KLHL5: variants seen among roughly 807,000 people sequenced by gnomAD.
KLHL5 encodes kelch like family member 5.
A neutral mutation model predicts 77.7 loss-of-function variants in KLHL5; 48 were observed. The observed-to-expected ratio is 0.62, with a 90% CI of 0.49 to 0.79. The LOEUF is 0.79. Among genes scored for constraint, KLHL5 ranks in the 30% least tolerant of loss-of-function variants. KLHL5 has a pLI of 0.00. For synonymous variants in KLHL5, 260 were observed against 297.0 expected (o/e 0.88, Z 1.28); for missense variants, 723 against 859.7 (o/e 0.84, Z 1.99).
downstream of KLHL5, among the ~76,000 whole-genome samples, chr4:39,129,864 G>A (rs1446708375): frequency 6.6e-6 from 1 of 152,130 alleles, no homozygotes; most frequent in Non-Finnish European, 1.5e-5. The surrounding 1 kb of genome is among the most constrained non-coding windows in gnomAD (Gnocchi z 4.2). Context: ...TCCAGCTCCA[G>A]TATTCACTAA....
At chr4:39,094,771 A>G (rs1720905586) in intron 5 of KLHL5, among the ~76,000 whole-genome samples, 1 of 152,116 alleles carries the variant, frequency 6.6e-6, no homozygotes, top group Admixed American at 6.6e-5. Flanking sequence ...GGGGTTATTT[A>G]ATAAGTGGTA....
chr4:39,127,208 C>A (rs552791892), downstream of KLHL5, among the ~76,000 whole-genome samples: 3 of 151,834 alleles, frequency 2.0e-5, no homozygotes, highest in South Asian at 4.1e-4. Flanking sequence ...ATAGTCCCAG[C>A]CACTTGGGAG....
chr4:39,050,182 G>T (rs1716528923), intron 1 of KLHL5, among the ~76,000 whole-genome samples: 1 of 152,128 alleles, frequency 6.6e-6, no homozygotes, highest in South Asian at 2.1e-4. Context: ...GTATGTAAAT[G>T]ATGTGTATAC....
At chr4:39,107,501 C>A (rs1475529095) in intron 7 of KLHL5, 68 bp from the exon 8 acceptor site, 4 of 1,214,086 alleles carry the variant, frequency 3.3e-6, no homozygotes, top group South Asian at 1.5e-5. Context: ...ACTTATACTT[C>A]AATTAAAATG....
At chr4:39,116,332 TAAAAA>T (rs1349864833) in intron 10 of KLHL5, 1 of 151,390 alleles carries the variant, frequency 6.6e-6, no homozygotes, top group South Asian at 2.1e-4. Flanking sequence ...GACTCCATCT[TAAAAA>T]AAAGAAAAGA....
chr4:39,114,165 A>G (rs769454167), intron 9 of KLHL5, among the ~76,000 whole-genome samples: 21 of 152,214 alleles, frequency 1.4e-4, no homozygotes, highest in Non-Finnish European at 2.8e-4. Context: ...ATTAATTTAT[A>G]AAGAAAAGAG....
chr4:39,121,289 G>C lies in KLHL5; in HGVS notation c.*223G>C. The C allele has an allele frequency of 3.5e-6, 2 of 567,284 alleles. No homozygotes were observed. Among genetic ancestry groups the C allele is most frequent in the Non-Finnish European group, 6.3e-6 (2 of 318,564 alleles). 35.1% of individuals were successfully genotyped at this position (567,284 alleles called of 1,614,324 possible). A position where few individuals can be genotyped will look rare whatever the true frequency, so the allele number is the denominator to read the frequency against. ...AATTAAAACCTGCAGCTGGTGGATT[G>C]TGATCACACATTCCCGAAGTAATAA... On this transcript the variant is annotated 3_prime_UTR_variant, in exon 11 of 11. Coordinates refer to ENST00000504108, the MANE Select transcript of KLHL5 (RefSeq NM_015990.5).
chr4:39,054,132 C>T (rs2109258644), intron 1 of KLHL5, among the ~76,000 whole-genome samples: 1 of 152,348 alleles, frequency 6.6e-6, no homozygotes, highest in African/African-American at 2.4e-5. Context: ...TGTTCTGCTA[C>T]TCTCTACTAG....
chr4:39,116,986 G>A (rs547513233), intron 10 of KLHL5, among the ~76,000 whole-genome samples: 10 of 152,064 alleles, frequency 6.6e-5, no homozygotes, highest in East Asian at 1.9e-4. Flanking sequence ...ACAGGTGCCC[G>A]CCACCACACC....
chr4:39,093,089 G>A (rs1577703295), intron 5 of KLHL5: 3 of 455,758 alleles, frequency 6.6e-6, no homozygotes, highest in South Asian at 3.1e-5. Flanking sequence ...CTTGAAACTG[G>A]AAGCAACCTA....
intron 1 of KLHL5, among the ~76,000 whole-genome samples, chr4:39,065,307 T>G (rs941191387): frequency 6.6e-6 from 1 of 152,102 alleles, no homozygotes; most frequent in Non-Finnish European, 1.5e-5. Context: ...TCACCTACTG[T>G]AAACAAATCA....
At chr4:39,053,367 G>GA (rs1199966153) in intron 1 of KLHL5, among the ~76,000 whole-genome samples, 1 of 152,198 alleles carries the variant, frequency 6.6e-6, no homozygotes, top group African/African-American at 2.4e-5. Context: ...TTATTTTTCA[G>GA]AAAAAATTTT....
chr4:39,138,030 C>A, the KLHL5 span, among the ~76,000 whole-genome samples: 1 of 152,088 alleles, frequency 6.6e-6, no homozygotes. Flanking sequence ...TCTCACACCA[C>A]ACTATTATTA....
At chr4:39,078,490 T>C (rs1044353186) in intron 2 of KLHL5, among the ~76,000 whole-genome samples, 4 of 151,682 alleles carry the variant, frequency 2.6e-5, no homozygotes, top group Admixed American at 1.3e-4. Flanking sequence ...AGGCCAGGAG[T>C]TCCAGACCAG....
upstream of KLHL5, chr4:39,044,881 C>G: frequency 1.1e-6 from 1 of 938,552 alleles, no homozygotes; most frequent in Non-Finnish European, 1.3e-6. Context: ...CACCCGGGGA[C>G]TCTGACCCCC....
At chr4:39,063,958 T>G (rs796152076) in intron 1 of KLHL5, among the ~76,000 whole-genome samples, 7 of 152,314 alleles carry the variant, frequency 4.6e-5, no homozygotes, top group African/African-American at 1.7e-4. Flanking sequence ...TATTTCTAAA[T>G]ATTTAAAGGC....
At chr4:39,103,854 T>TG (rs113946549) in intron 7 of KLHL5, among the ~76,000 whole-genome samples, 150,653 of 150,654 alleles carry the variant, frequency 1, 75,326 homozygotes, top group Middle Eastern at 1. Flanking sequence ...TTTGGTGGCT[T>TG]GGCCTATAGT....
At chr4:39,087,927 A>G (rs28618330) in intron 5 of KLHL5, among the ~76,000 whole-genome samples, 4,652 of 152,260 alleles carry the variant, frequency 0.031, 258 homozygotes, top group African/African-American at 0.11. Flanking sequence ...AGTAATCAAT[A>G]TGGATGCTTT....
At chr4:39,069,823 C>T (rs539763759) in intron 1 of KLHL5, among the ~76,000 whole-genome samples, 127 of 152,058 alleles carry the variant, frequency 8.4e-4, no homozygotes, top group Middle Eastern at 3.4e-3. Context: ...AAGCCCAAAT[C>T]AAACTGACTT....
Sources: allele counts gnomAD v4.1 joint callset (sites outside exome capture counted in the v4.1 genomes callset), GRCh38; gene constraint gnomAD v4.1.1; non-coding constraint Gnocchi (gnomAD v3.1); transcripts MANE v1.5; gene names NCBI Gene and HGNC (gene_info 2026-07-23, HGNC 2026-07-21).